The following PIK3C2G variants were observed in gnomAD, a reference collection of about 807,000 sequenced individuals.
PIK3C2G encodes the protein phosphatidylinositol-4-phosphate 3-kinase catalytic subunit type 2 gamma.
PIK3C2G carries 168 observed loss-of-function variants against 181.1 expected under a neutral mutation model. The observed-to-expected ratio is 0.93, with a 90% CI of 0.82 to 1.05. PIK3C2G has a LOEUF of 1.05. Among genes scored for constraint, PIK3C2G ranks in the 50% least tolerant of loss-of-function variants. The pLI, the probability that PIK3C2G is intolerant of heterozygous loss-of-function variation, is 0.00. For synonymous variants in PIK3C2G, 573 were observed against 592.2 expected (o/e 0.97, Z 0.47); for missense variants, 1,869 against 1,732.8 (o/e 1.08, Z -1.40).
chr12:18,549,190 C>T (rs1409573685), intron 26 of PIK3C2G, among the ~76,000 whole-genome samples: 1 of 151,936 alleles, frequency 6.6e-6, no homozygotes, highest in Non-Finnish European at 1.5e-5. Flanking sequence ...TTTGTGCTGT[C>T]CTTAATTTAT....
chr12:18,681,227 T>C, the PIK3C2G span, among the ~76,000 whole-genome samples: 1 of 152,014 alleles, frequency 6.6e-6, no homozygotes, highest in Non-Finnish European at 1.5e-5. Context: ...CTGACTGTCA[T>C]TATCAGTTGT....
the PIK3C2G span, among the ~76,000 whole-genome samples, chr12:18,674,576 C>T: frequency 1.3e-5 from 2 of 152,158 alleles, no homozygotes; most frequent in Non-Finnish European, 1.5e-5. Flanking sequence ...TTTCAGTCTG[C>T]CAACCATTAT....
chr12:18,482,180 C>A (rs1272704888), intron 18 of PIK3C2G, among the ~76,000 whole-genome samples: 1 of 150,706 alleles, frequency 6.6e-6, no homozygotes, highest in East Asian at 2.0e-4. Context: ...CCCTCGCACC[C>A]CTAGACTCCA....
At chr12:18,491,389 C>T (rs1940554602) in intron 19 of PIK3C2G, 62 bp from the exon 20 acceptor site, 2 of 862,414 alleles carry the variant, frequency 2.3e-6, no homozygotes, top group East Asian at 4.9e-5. Flanking sequence ...AAAATTATAA[C>T]CTGAAGGAAA....
chr12:18,412,527 G>C (rs984163406), intron 16 of PIK3C2G, among the ~76,000 whole-genome samples: 1 of 151,952 alleles, frequency 6.6e-6, no homozygotes, highest in Non-Finnish European at 1.5e-5. Flanking sequence ...AAAGAGACTC[G>C]CAAAAATGTA....
chr12:18,704,834 T>C, the PIK3C2G span, among the ~76,000 whole-genome samples: 3 of 152,106 alleles, frequency 2.0e-5, no homozygotes, highest in Non-Finnish European at 2.9e-5. Flanking sequence ...ATTTATAGTC[T>C]AGAACTTTTG....
In PIK3C2G at chr12:18,399,726, C is replaced by T. The variant is rs758604951; in HGVS notation, c.2194C>T (p.Leu732Phe). The change falls in exon 16 of 33, where the codon CTT (leucine) becomes TTT (phenylalanine). Residue 732 changes from leucine to phenylalanine, a missense_variant. By Grantham distance (22) the Leu-to-Phe change is conservative. Coordinates refer to ENST00000538779, the MANE Select transcript of PIK3C2G (RefSeq NM_001288772.2). ...RFYCNNENCS[L>F]PLVLGSAPGW... Reference sequence around the variant, plus strand: ...CTACTGCAATAATGAAAACTGCTCCCTTCCTTTAGTCCTGGGTAGTGCCCC... The same window carrying T: ...CTACTGCAATAATGAAAACTGCTCCTTTCCTTTAGTCCTGGGTAGTGCCCC... The T allele has an allele frequency of 2.5e-6, 4 of 1,602,910 alleles. No individual in the cohort carries two copies. The African/African-American group carries it at 5.3e-5, about 21-fold the overall frequency.
chr12:18,692,288 A>G, the PIK3C2G span, among the ~76,000 whole-genome samples: 2 of 152,174 alleles, frequency 1.3e-5, no homozygotes, highest in Non-Finnish European at 2.9e-5. Context: ...ATGAAACCAT[A>G]GCCACTCTAT....
intron 18 of PIK3C2G, among the ~76,000 whole-genome samples, chr12:18,479,136 T>A (rs893245889): frequency 6.6e-6 from 1 of 151,642 alleles, no homozygotes; most frequent in Non-Finnish European, 1.5e-5. Flanking sequence ...TACATATACA[T>A]ACATACATAT....
intron 5 of PIK3C2G, among the ~76,000 whole-genome samples, chr12:18,298,856 T>C (rs1591866777): frequency 6.6e-6 from 1 of 152,096 alleles, no homozygotes; most frequent in Admixed American, 6.6e-5. Flanking sequence ...CACTAGGCTA[T>C]AAATAAATGA....
At chr12:18,451,935 T>A (rs1565738180) in intron 18 of PIK3C2G, among the ~76,000 whole-genome samples, 1 of 152,200 alleles carries the variant, frequency 6.6e-6, no homozygotes, top group Non-Finnish European at 1.5e-5. Flanking sequence ...TTGATCGTAG[T>A]GGATAAGCTT....
At chr12:18,321,779 T>C (rs1951119715) in intron 7 of PIK3C2G, among the ~76,000 whole-genome samples, 3 of 152,214 alleles carry the variant, frequency 2.0e-5, no homozygotes, top group Admixed American at 1.3e-4. Context: ...AATGAGATCA[T>C]GTCTCTTGCG....
At chr12:18,336,144 ATTAG>A (rs1157088817) in intron 8 of PIK3C2G, among the ~76,000 whole-genome samples, 1 of 152,146 alleles carries the variant, frequency 6.6e-6, no homozygotes, top group African/African-American at 2.4e-5. Context: ...AATAAAATTA[ATTAG>A]TTAAACATTA....
At position 18,555,667 on chromosome 12, in the gene PIK3C2G, T is replaced by C. The variant is rs575065240; in HGVS notation, c.3591-7036T>C. ...CTATGTTCCTTGGCAGCTAGAAATA[T>C]GTTACATTTTTTTTACCTAAGGGTT... On this transcript the variant is annotated intron_variant, in intron 26 of 32. Coordinates refer to ENST00000538779, the MANE Select transcript of PIK3C2G (RefSeq NM_001288772.2). Among the ~76,000 whole-genome samples the C allele has an allele frequency of 2.8e-3, 420 of 152,278 alleles. 4 individuals carry two copies. The highest frequency in any genetic ancestry group is 3.7e-3 in the Non-Finnish European group (251 of 68,018).
chr12:18,688,316 C>T, the PIK3C2G span: 19 of 1,267,298 alleles, frequency 1.5e-5, no homozygotes, highest in African/African-American at 3.0e-5. Flanking sequence ...AGTTGATGGA[C>T]TCTAAGTCAG....
Position 18,629,428 on chromosome 12 carries a change from A to G in PIK3C2G, c.4183-11001A>G, listed in dbSNP as rs557861830. 2.6e-5 allele frequency among the ~76,000 whole-genome samples: 4 copies of G among 152,292 alleles called. No individual in the cohort carries two copies. The East Asian group carries it at 7.7e-4, about 29-fold the overall frequency. On this transcript the variant is annotated intron_variant, in intron 31 of 32. Coordinates refer to ENST00000538779, the MANE Select transcript of PIK3C2G (RefSeq NM_001288772.2). Reference sequence around the variant, plus strand: ...GGAGTTAAGGTGGAGAAACCCGGAGAGGTGATGAGGCATATCACAGAGGAG... The same window carrying G: ...GGAGTTAAGGTGGAGAAACCCGGAGGGGTGATGAGGCATATCACAGAGGAG...
At chr12:18,570,250 C>T (rs1592610398) in intron 29 of PIK3C2G, among the ~76,000 whole-genome samples, 1 of 151,720 alleles carries the variant, frequency 6.6e-6, no homozygotes. Flanking sequence ...TGCTCGTCAC[C>T]CACGCTGGAG....
chr12:18,636,468 T>G (rs1949608318), intron 31 of PIK3C2G, among the ~76,000 whole-genome samples: 1 of 152,208 alleles, frequency 6.6e-6, no homozygotes, highest in Admixed American at 6.5e-5. Context: ...CGACCTCATG[T>G]GATCCACCCA....
chr12:18,703,246 G>C, the PIK3C2G span, among the ~76,000 whole-genome samples: 1 of 152,054 alleles, frequency 6.6e-6, no homozygotes, highest in Non-Finnish European at 1.5e-5. Context: ...AAGAACCGTG[G>C]TCTTTCCATT....
Sources: gnomAD v4.1 joint callset for allele counts (sites outside exome capture counted in the v4.1 genomes callset) on GRCh38, gnomAD v4.1.1 for gene constraint, MANE v1.5 for transcripts, NCBI Gene and HGNC (gene_info 2026-07-23, HGNC 2026-07-21) for gene names.